TTLL11: variants seen among roughly 807,000 people sequenced by gnomAD.
The protein encoded by TTLL11 is tubulin tyrosine ligase like 11, also known as tubulin polyglutamylase TTLL11.
A neutral mutation model predicts 51.7 loss-of-function variants in TTLL11; 42 were observed. That is an observed-to-expected ratio of 0.81 (90% CI 0.64 to 1.05). The LOEUF (loss-of-function observed/expected upper bound fraction) is 1.05, where lower values mean the gene tolerates loss of function less well. Ranked by LOEUF, TTLL11 falls within the 50% of genes least tolerant of loss-of-function variation. TTLL11 has a pLI of 0.00. For synonymous variants in TTLL11, 381 were observed against 383.5 expected, an observed-to-expected ratio of 0.99 and a Z score of 0.08; for missense variants, 799 against 940.4, an observed-to-expected ratio of 0.85 and a Z score of 1.97.
chr9:121,933,114 G>GAGGTGAAACTTGTAAAAT (rs1416749485), intron 6 of TTLL11, among the ~76,000 whole-genome samples: 2 of 152,178 alleles, frequency 1.3e-5, no homozygotes, highest in Non-Finnish European at 2.9e-5. Context: ...GACAGTAGAG[G>GAGGTGAAACTTGTAAAAT]AGGTGAAACT....
intron 1 of TTLL11, among the ~76,000 whole-genome samples, chr9:122,087,999 TG>T (rs1433162499): frequency 2.6e-5 from 4 of 152,220 alleles, no homozygotes; most frequent in Non-Finnish European, 4.4e-5. Context: ...AAATTAGACC[TG>T]GCCAGAACGG....
intron 3 of TTLL11, among the ~76,000 whole-genome samples, chr9:122,029,611 T>A (rs933555755): frequency 6.6e-6 from 1 of 152,202 alleles, no homozygotes; most frequent in Non-Finnish European, 1.5e-5. Context: ...TTAAGCTAAG[T>A]GTTATTACAA....
At chr9:122,071,783 A>G (rs543666592) in intron 1 of TTLL11, among the ~76,000 whole-genome samples, 1 of 152,294 alleles carries the variant, frequency 6.6e-6, no homozygotes, top group South Asian at 2.1e-4. Flanking sequence ...CAGTAAAGTG[A>G]CAGCGGTGAT....
chr9:122,047,906 A>G (rs1266880013), intron 1 of TTLL11, among the ~76,000 whole-genome samples: 1 of 152,156 alleles, frequency 6.6e-6, no homozygotes, highest in Non-Finnish European at 1.5e-5. Context: ...TCCCAGGCCC[A>G]CAGGAAAATT....
chr9:121,880,011 A>C (rs1252780187), intron 6 of TTLL11, among the ~76,000 whole-genome samples: 1 of 152,178 alleles, frequency 6.6e-6, no homozygotes, highest in African/African-American at 2.4e-5. Flanking sequence ...GAAGAAAAAA[A>C]ATGACACAGC....
intron 8 of TTLL11, among the ~76,000 whole-genome samples, chr9:121,843,678 A>G (rs1254729285): frequency 6.6e-6 from 1 of 151,962 alleles, no homozygotes; most frequent in Admixed American, 6.5e-5. Flanking sequence ...TTTTGTTATT[A>G]TTATTATTAT....
At chr9:121,860,972 G>A (rs887484391) in intron 7 of TTLL11, among the ~76,000 whole-genome samples, 4 of 152,210 alleles carry the variant, frequency 2.6e-5, no homozygotes, top group African/African-American at 9.6e-5. Context: ...CCATGGTAGA[G>A]AAGGCAGTGA....
intron 4 of TTLL11, among the ~76,000 whole-genome samples, chr9:121,983,186 A>G (rs1353348796): frequency 6.6e-6 from 1 of 152,180 alleles, no homozygotes; most frequent in African/African-American, 2.4e-5. Context: ...GGAAACAGAA[A>G]AAAGAAGGAT....
At chr9:121,920,122 C>T (rs1238249022) in intron 6 of TTLL11, among the ~76,000 whole-genome samples, 1 of 151,864 alleles carries the variant, frequency 6.6e-6, no homozygotes, top group Non-Finnish European at 1.5e-5. Flanking sequence ...GGCAACATGG[C>T]AAAACACCAT....
intron 7 of TTLL11, among the ~76,000 whole-genome samples, chr9:121,863,901 C>T (rs1025761528): frequency 6.6e-6 from 1 of 152,126 alleles, no homozygotes; most frequent in African/African-American, 2.4e-5. Flanking sequence ...GGCTTGGGAG[C>T]TGTGGGGAGA....
intron 8 of TTLL11, among the ~76,000 whole-genome samples, chr9:121,831,852 CAAAATACCATAGCCTGGGTGGCTT>C (rs1837026179): frequency 6.6e-6 from 1 of 152,160 alleles, no homozygotes; most frequent in Non-Finnish European, 1.5e-5. Flanking sequence ...TCTCGGGCTG[CAAAATACCATAGCCTGGGTGGCTT>C]AAACAACAGA....
At position 121,880,171 on chromosome 9, in the gene TTLL11, C is replaced by T. The variant is rs1288183958; in HGVS notation, c.1482-9423G>A. ...ACTGAATAGTTGGCCACTGCCTTTC[C>T]GTAGATGAATTGGCTGGTGCTTAGC... On this transcript the variant is annotated intron_variant, in intron 6 of 8. Coordinates refer to ENST00000321582, the MANE Select transcript of TTLL11 (RefSeq NM_001139442.2). 5.3e-5 allele frequency among the ~76,000 whole-genome samples: 8 copies of T among 152,176 alleles called. No homozygotes were observed. In the East Asian group the frequency reaches 7.7e-4, roughly 15 times the overall value.
intron 6 of TTLL11, among the ~76,000 whole-genome samples, chr9:121,886,398 G>A (rs1397776363): frequency 1.3e-5 from 2 of 152,194 alleles, no homozygotes; most frequent in Admixed American, 6.5e-5. Flanking sequence ...GGGGACAGAT[G>A]TTCTTATAGG....
chr9:122,020,913 C>T (rs1844156154), intron 3 of TTLL11, among the ~76,000 whole-genome samples: 1 of 152,160 alleles, frequency 6.6e-6, no homozygotes, highest in Non-Finnish European at 1.5e-5. Flanking sequence ...TTATTCGTCA[C>T]CCAGTTTATG....
intron 3 of TTLL11, among the ~76,000 whole-genome samples, chr9:121,992,884 T>C (rs981676242): frequency 2.6e-5 from 4 of 152,238 alleles, no homozygotes; most frequent in Admixed American, 1.3e-4. Context: ...TAAGATACTC[T>C]ACTAAGACAT....
At chr9:122,081,366 C>T (rs367857313) in intron 1 of TTLL11, among the ~76,000 whole-genome samples, 90 of 152,312 alleles carry the variant, frequency 5.9e-4, no homozygotes, top group African/African-American at 2.0e-3. Context: ...CTGACTTTGC[C>T]ATACATGTTA....
At chr9:121,920,712 CTA>C (rs1212955712) in intron 6 of TTLL11, among the ~76,000 whole-genome samples, 1 of 152,200 alleles carries the variant, frequency 6.6e-6, no homozygotes, top group African/African-American at 2.4e-5. Context: ...GGAAACTGTT[CTA>C]TGTCTGCTCT....
intron 8 of TTLL11, among the ~76,000 whole-genome samples, chr9:121,843,392 A>G (rs1227127401): frequency 6.6e-6 from 1 of 152,108 alleles, no homozygotes; most frequent in Non-Finnish European, 1.5e-5. Flanking sequence ...GCTGATAAGA[A>G]CATTTCACTC....
At chr9:121,862,642 G>A (rs901243960) in intron 7 of TTLL11, among the ~76,000 whole-genome samples, 13 of 152,202 alleles carry the variant, frequency 8.5e-5, no homozygotes, top group Non-Finnish European at 1.8e-4. Flanking sequence ...GCTTGTCCAG[G>A]TGCACCCCTG....
Sources: gnomAD v4.1 joint callset for allele counts (sites outside exome capture counted in the v4.1 genomes callset) on GRCh38, gnomAD v4.1.1 for gene constraint, MANE v1.5 for transcripts, NCBI Gene and HGNC (gene_info 2026-07-23, HGNC 2026-07-21) for gene names.